PDE1A: variants seen among roughly 807,000 people sequenced by gnomAD.
PDE1A encodes dual specificity calcium/calmodulin-dependent 3',5'-cyclic nucleotide phosphodiesterase 1A.
Under a neutral mutation model 61.7 loss-of-function variants are expected in PDE1A, and 35 were observed. The ratio of observed to expected loss-of-function variants is 0.57; its 90% confidence interval spans 0.43 to 0.75. The LOEUF is 0.75. Ranked by LOEUF, PDE1A falls within the 30% of genes least tolerant of loss-of-function variation. The pLI, the probability that PDE1A is intolerant of heterozygous loss-of-function variation, is 0.00. For missense variants in PDE1A, 597 were observed against 630.6 expected (o/e 0.95, Z 0.57); for synonymous variants, 232 against 213.2 (o/e 1.09, Z -0.77).
the PDE1A span, among the ~76,000 whole-genome samples, chr2:182,546,593 C>T: frequency 1.3e-4 from 20 of 152,132 alleles, no homozygotes; most frequent in Middle Eastern, 3.2e-3. Flanking sequence ...CATCACCACC[C>T]GTGAGGAGTG....
intron 1 of PDE1A, among the ~76,000 whole-genome samples, chr2:182,418,928 C>T (rs1230910845): frequency 6.6e-6 from 1 of 152,126 alleles, no homozygotes; most frequent in African/African-American, 2.4e-5. Flanking sequence ...TCAGCTGACC[C>T]ACGGGCGCAG....
At chr2:182,570,278 CTG>C in the PDE1A span, among the ~76,000 whole-genome samples, 1 of 152,158 alleles carries the variant, frequency 6.6e-6, no homozygotes, top group East Asian at 1.9e-4. Flanking sequence ...AAAATGCAGA[CTG>C]TAAGAACCTA....
the PDE1A span, among the ~76,000 whole-genome samples, chr2:182,662,809 C>G: frequency 6.6e-6 from 1 of 152,102 alleles, no homozygotes; most frequent in South Asian, 2.1e-4. Context: ...GCAACTGCAA[C>G]AAAAGCAAAA....
chr2:182,224,788 C>A (rs1490880117), intron 6 of PDE1A, among the ~76,000 whole-genome samples: 1 of 151,888 alleles, frequency 6.6e-6, no homozygotes, highest in African/African-American at 2.4e-5. Flanking sequence ...CCCAGTTACA[C>A]TAGCCACATT....
At chr2:182,638,940 G>C in the PDE1A span, among the ~76,000 whole-genome samples, 330 of 152,288 alleles carry the variant, frequency 2.2e-3, no homozygotes, top group Non-Finnish European at 3.2e-3. Context: ...TGAGAACTCA[G>C]AAAATGTCAG....
chr2:182,598,015 C>A, the PDE1A span, among the ~76,000 whole-genome samples: 4 of 152,156 alleles, frequency 2.6e-5, no homozygotes, highest in African/African-American at 4.8e-5. Context: ...GAAATTTAAG[C>A]GACTAAGTCA....
chr2:182,643,488 T>C, the PDE1A span, among the ~76,000 whole-genome samples: 1 of 152,212 alleles, frequency 6.6e-6, no homozygotes, highest in Non-Finnish European at 1.5e-5. Flanking sequence ...CTCAGCTTCC[T>C]GCCCAACCGT....
At chr2:182,461,812 C>G (rs189395482) in intron 2 of PDE1A, among the ~76,000 whole-genome samples, 1 of 152,268 alleles carries the variant, frequency 6.6e-6, no homozygotes, top group East Asian at 1.9e-4. Flanking sequence ...TTTCCCCTGT[C>G]AGTAAGCCTC....
chr2:182,346,923 T>C (rs1000537332), intron 1 of PDE1A, among the ~76,000 whole-genome samples: 5 of 152,212 alleles, frequency 3.3e-5, no homozygotes, highest in East Asian at 1.9e-4. Context: ...CCAAGACTTC[T>C]GAGAAAATTT....
At chr2:182,649,368 C>G in the PDE1A span, among the ~76,000 whole-genome samples, 6 of 152,030 alleles carry the variant, frequency 3.9e-5, no homozygotes, top group Non-Finnish European at 7.4e-5. Flanking sequence ...GTTGAGCCTA[C>G]AAATAGGAAT....
chr2:182,350,004 A>G (rs1230682059), intron 1 of PDE1A, among the ~76,000 whole-genome samples: 2 of 152,182 alleles, frequency 1.3e-5, no homozygotes, highest in African/African-American at 4.8e-5. Flanking sequence ...CTCCCAGATT[A>G]AGAAAGAAAA....
At chr2:182,434,912 T>C (rs1235220779) in intron 2 of PDE1A, among the ~76,000 whole-genome samples, 2 of 152,098 alleles carry the variant, frequency 1.3e-5, no homozygotes, top group Admixed American at 1.3e-4. Flanking sequence ...ACATTTATAA[T>C]TTCTAGTGAC....
At chr2:182,311,724 C>T (rs181928105) in intron 1 of PDE1A, among the ~76,000 whole-genome samples, 1 of 152,210 alleles carries the variant, frequency 6.6e-6, no homozygotes, top group African/African-American at 2.4e-5. Flanking sequence ...ATTCATTCCC[C>T]AGCTGATGGA....
the PDE1A span, among the ~76,000 whole-genome samples, chr2:182,682,688 T>C: frequency 6.6e-6 from 1 of 152,276 alleles, no homozygotes; most frequent in Admixed American, 6.5e-5. Context: ...TCAAAACTTT[T>C]ACTATGTCAA....
At chr2:182,583,313 A>C in the PDE1A span, among the ~76,000 whole-genome samples, 1 of 152,232 alleles carries the variant, frequency 6.6e-6, no homozygotes, top group Non-Finnish European at 1.5e-5. Context: ...AGAATAATAT[A>C]TGCAAACTGA....
At chr2:182,301,266 A>G (rs1695224111) in intron 1 of PDE1A, among the ~76,000 whole-genome samples, 1 of 152,200 alleles carries the variant, frequency 6.6e-6, no homozygotes, top group Non-Finnish European at 1.5e-5. Context: ...TCTTAAAGGC[A>G]CAAGTAAACA....
intron 13 of PDE1A, among the ~76,000 whole-genome samples, chr2:182,180,678 G>A (rs866960218): frequency 3.3e-5 from 5 of 151,732 alleles, no homozygotes; most frequent in Middle Eastern, 3.2e-3. Context: ...CCTGAAGTGT[G>A]TTTTCCAACT....
At chr2:182,535,921 C>A in the PDE1A span, among the ~76,000 whole-genome samples, 1 of 152,128 alleles carries the variant, frequency 6.6e-6, no homozygotes, top group African/African-American at 2.4e-5. Context: ...CCAAGGAATA[C>A]TTTTTCCTTT....
chr2:182,685,289 G>C, the PDE1A span, among the ~76,000 whole-genome samples: 1 of 152,040 alleles, frequency 6.6e-6, no homozygotes, highest in African/African-American at 2.4e-5. Context: ...AGTCTTTGTA[G>C]TTAACAAAAG....
Sources: allele counts gnomAD v4.1 joint callset (sites outside exome capture counted in the v4.1 genomes callset), GRCh38; gene constraint gnomAD v4.1.1; transcripts MANE v1.5; gene names NCBI Gene and HGNC (gene_info 2026-07-23, HGNC 2026-07-21).